SHISA9: variants seen among roughly 807,000 people sequenced by gnomAD.
SHISA9 encodes the protein shisa family member 9, also known as protein shisa-9.
A neutral mutation model predicts 38.0 loss-of-function variants in SHISA9; 13 were observed. The ratio of observed to expected loss-of-function variants is 0.34; its 90% CI spans 0.22 to 0.54. SHISA9 has a LOEUF of 0.54. SHISA9 is among the 20% of genes least tolerant of loss of function. The probability of loss-of-function intolerance (pLI) is 0.91; values close to 1 mark genes in which losing one functional copy is unlikely to be tolerated. For synonymous variants in SHISA9, 275 were observed against 242.0 expected (o/e 1.14, Z -1.27); for missense variants, 538 against 575.8 (o/e 0.93, Z 0.67).
the SHISA9 span, among the ~76,000 whole-genome samples, chr16:13,505,321 A>G: frequency 0.14 from 21,116 of 152,166 alleles, 1,721 homozygotes; most frequent in African/African-American, 0.23. Context: ...TCTCCTGGGA[A>G]TGGTGCCCTT....
At chr16:12,907,040 CCCTTCCCCCTTCCCT>C (rs1452820080) in intron 1 of SHISA9, among the ~76,000 whole-genome samples, 5 of 78,832 alleles carry the variant, frequency 6.3e-5, no homozygotes, top group Admixed American at 1.2e-4. Context: ...CCCTCCATCC[CCCTTCCCCCTTCCCT>C]CCTTCCCTCC....
At chr16:13,399,548 T>C in the SHISA9 span, among the ~76,000 whole-genome samples, 1 of 152,188 alleles carries the variant, frequency 6.6e-6, no homozygotes, top group Non-Finnish European at 1.5e-5. Context: ...ACTCATGTTC[T>C]CGTCACCCCT....
intron 2 of SHISA9, among the ~76,000 whole-genome samples, chr16:13,103,809 G>A (rs1457371189): frequency 1.3e-5 from 2 of 152,162 alleles, no homozygotes; most frequent in Non-Finnish European, 2.9e-5. Context: ...ATCTTGAGAT[G>A]CTCTTGAGGG....
intron 2 of SHISA9, among the ~76,000 whole-genome samples, chr16:12,962,359 C>T (rs2071922213): frequency 6.6e-6 from 1 of 152,160 alleles, no homozygotes; most frequent in African/African-American, 2.4e-5. Flanking sequence ...TTTCCCAGTT[C>T]CCCAGTTGCA....
chr16:13,430,504 C>T, the SHISA9 span, among the ~76,000 whole-genome samples: 1 of 152,160 alleles, frequency 6.6e-6, no homozygotes, highest in African/African-American at 2.4e-5. Context: ...TTGTTTGCCC[C>T]TGGCACCCTT....
At chr16:13,539,440 G>A in the SHISA9 span, among the ~76,000 whole-genome samples, 1 of 150,166 alleles carries the variant, frequency 6.7e-6, no homozygotes, top group African/African-American at 2.5e-5. Context: ...CCCTCCCAAA[G>A]TTCTGGGATT....
At chr16:12,976,852 A>G (rs1166574399) in intron 2 of SHISA9, among the ~76,000 whole-genome samples, 1 of 152,162 alleles carries the variant, frequency 6.6e-6, no homozygotes, top group Non-Finnish European at 1.5e-5. Context: ...GGAAGAGGGA[A>G]GAAATATTTG....
intron 2 of SHISA9, among the ~76,000 whole-genome samples, chr16:13,126,316 T>C (rs1301092223): frequency 6.6e-6 from 1 of 152,180 alleles, no homozygotes; most frequent in African/African-American, 2.4e-5. Context: ...CAGCTGAGTA[T>C]GAGTTCCTGG....
chr16:13,333,564 T>A, the SHISA9 span, among the ~76,000 whole-genome samples: 2 of 152,170 alleles, frequency 1.3e-5, no homozygotes, highest in Non-Finnish European at 2.9e-5. Flanking sequence ...AATCTCAGAC[T>A]TCCTGGAGCC....
chr16:13,104,965 T>G (rs2073912406), intron 2 of SHISA9, among the ~76,000 whole-genome samples: 1 of 152,184 alleles, frequency 6.6e-6, no homozygotes, highest in Non-Finnish European at 1.5e-5. Flanking sequence ...ATTACTTACG[T>G]TGGTTGAGCC....
At chr16:13,380,557 G>C in the SHISA9 span, among the ~76,000 whole-genome samples, 1 of 152,122 alleles carries the variant, frequency 6.6e-6, no homozygotes, top group African/African-American at 2.4e-5. Context: ...GGGGAGCCTA[G>C]ATTTTTTCTT....
chr16:13,222,780 G>C (rs2051239807), intron 4 of SHISA9, among the ~76,000 whole-genome samples: 1 of 107,042 alleles, frequency 9.3e-6, no homozygotes. Flanking sequence ...ACTCCACAAG[G>C]TGTGTGTGTA....
intron 1 of SHISA9, among the ~76,000 whole-genome samples, chr16:12,907,494 T>C (rs1415520800): frequency 6.6e-6 from 1 of 152,108 alleles, no homozygotes; most frequent in East Asian, 1.9e-4. Context: ...GGGGCTTTCC[T>C]GAGAGCAAGG....
chr16:13,427,098 A>G, the SHISA9 span, among the ~76,000 whole-genome samples: 2 of 152,230 alleles, frequency 1.3e-5, no homozygotes, highest in Non-Finnish European at 2.9e-5. Context: ...GGTATCTGAA[A>G]CATTGTTGGC....
intron 2 of SHISA9, among the ~76,000 whole-genome samples, chr16:13,081,324 A>C (rs2073646830): frequency 6.6e-6 from 1 of 152,186 alleles, no homozygotes; most frequent in South Asian, 2.1e-4. Context: ...ATCATTTAGC[A>C]CGGGAAGATG....
the SHISA9 span, among the ~76,000 whole-genome samples, chr16:13,398,039 C>T: frequency 6.6e-5 from 10 of 152,106 alleles, no homozygotes; most frequent in African/African-American, 1.9e-4. Flanking sequence ...CAGGAGGATC[C>T]GACAGTCGAT....
At chr16:13,182,432 A>G (rs2050786318) in intron 2 of SHISA9, among the ~76,000 whole-genome samples, 2 of 152,164 alleles carry the variant, frequency 1.3e-5, no homozygotes, top group South Asian at 2.1e-4. Flanking sequence ...TTTATTTTCC[A>G]GCAGGTCTCA....
At chr16:12,961,184 C>T (rs1026432962) in intron 2 of SHISA9, among the ~76,000 whole-genome samples, 1 of 152,090 alleles carries the variant, frequency 6.6e-6, no homozygotes, top group Non-Finnish European at 1.5e-5. Flanking sequence ...GCAACCCAGG[C>T]AGAGGGAACT....
the SHISA9 span, among the ~76,000 whole-genome samples, chr16:13,539,170 C>T: frequency 6.6e-6 from 1 of 150,992 alleles, no homozygotes; most frequent in Non-Finnish European, 1.5e-5. Context: ...CACTCTGGCA[C>T]CCAGGCTGGA....
Sources: allele counts gnomAD v4.1 joint callset (sites outside exome capture counted in the v4.1 genomes callset), GRCh38; gene constraint gnomAD v4.1.1; transcripts MANE v1.5; gene names NCBI Gene and HGNC (gene_info 2026-07-23, HGNC 2026-07-21).